Variants in SP3 observed in about 807,000 individuals in gnomAD.
SP3 encodes transcription factor Sp3.
A neutral mutation model predicts 70.3 loss-of-function variants in SP3; 10 were observed. The ratio of observed to expected loss-of-function variants is 0.14; its 90% CI spans 0.09 to 0.24. The LOEUF is 0.24. Among genes scored for constraint, SP3 ranks in the 10% least tolerant of loss-of-function variants. The pLI, the probability that SP3 is intolerant of heterozygous loss-of-function variation, is 1.00. For synonymous variants in SP3, 402 were observed against 333.5 expected (o/e 1.21, Z -2.24); for missense variants, 825 against 914.6 (o/e 0.90, Z 1.26).
chr2:173,936,020 CTTTT>C (rs1486647874), intron 4 of SP3, among the ~76,000 whole-genome samples: 2 of 151,806 alleles, frequency 1.3e-5, no homozygotes, highest in Non-Finnish European at 2.9e-5. Context: ...CCCCTTTTAC[CTTTT>C]TTGTTTTTTT....
Position 173,955,262 on chromosome 2 carries a change from G to GTAA in SP3, c.1247_1249dup (p.Ile416dup). On this transcript the variant is annotated inframe_insertion, in exon 4 of 7. Coordinates refer to ENST00000310015, the MANE Select transcript of SP3 (RefSeq NM_003111.5). The stretch of plus-strand genomic sequence containing the variant: ...TTGCACACCATGGATTGTCTGTGGT[G>GTAA]TAATACCTTGCACAATTTGGGCTTG... The GTAA allele has an allele frequency of 1.2e-6, 2 of 1,614,160 alleles. No individual in the cohort carries two copies. Among genetic ancestry groups the GTAA allele is most frequent in the Non-Finnish European group, 1.7e-6 (2 of 1,180,034 alleles).
rs2105446898 is a variant in SP3, at chr2:173,904,696, CCTT to C, written c.*5242_*5244del. On this transcript the variant is annotated 3_prime_UTR_variant, in exon 7 of 7. Coordinates refer to ENST00000310015, the MANE Select transcript of SP3 (RefSeq NM_003111.5). ...GCTCAACTTTGACCAGATGTCCACT[CCTT>C]GTCTGATTTCTGAACAGCTCCTCAC... is the stretch of plus-strand genomic sequence containing the variant. 6.6e-6 allele frequency among the ~76,000 whole-genome samples: 1 copy of C among 152,346 alleles called. No homozygotes were observed. The highest frequency in any genetic ancestry group is 2.1e-4 in the South Asian group (1 of 4,832).
intron 4 of SP3, among the ~76,000 whole-genome samples, chr2:173,933,680 T>C (rs940111918): frequency 1.2e-5 from 1 of 84,120 alleles, no homozygotes; most frequent in African/African-American, 4.2e-5. Flanking sequence ...ATAAAAGTTA[T>C]AAAGTAACAT....
intron 4 of SP3, among the ~76,000 whole-genome samples, chr2:173,944,694 T>C (rs960790242): frequency 6.6e-6 from 1 of 152,266 alleles, no homozygotes. Context: ...TCCATTCTTT[T>C]ATGTTCATCC....
At chr2:173,943,456 A>ATACT (rs1690436994) in intron 4 of SP3, among the ~76,000 whole-genome samples, 1 of 152,120 alleles carries the variant, frequency 6.6e-6, no homozygotes, top group African/African-American at 2.4e-5. Context: ...AATAACCACC[A>ATACT]TACTCCATGG....
rs60102426 is a variant in SP3, at chr2:173,933,638, TTATATATATATATATATATA to T, written c.1640-14873_1640-14854del. 2.2e-4 allele frequency among the ~76,000 whole-genome samples: 19 copies of T among 86,556 alleles called. 1 individual carries two copies. Among genetic ancestry groups the T allele is most frequent in the Admixed American group, 7.5e-4 (6 of 7,976 alleles). The allele number at this position is 86,556 out of a possible 152,430, so 56.8% of individuals were successfully genotyped here. A position where few individuals can be genotyped will look rare whatever the true frequency, so the allele number is the denominator to read the frequency against. On this transcript the variant is annotated intron_variant, in intron 4 of 6. Transcript: ENST00000310015. ...ACAAATGACTAACATTTATAAAACT[TTATATATATATATATATATA>T]TATATATATATATAAAAGTTATAAA...
intron 6 of SP3, among the ~76,000 whole-genome samples, chr2:173,911,633 C>T (rs556748959): frequency 3.0e-4 from 45 of 152,120 alleles, no homozygotes; most frequent in Middle Eastern, 3.4e-3. Flanking sequence ...GATCATTGAC[C>T]TTTTTCTCCC....
chr2:173,921,660 G>A lies in SP3; in HGVS notation c.1640-2875C>T, dbSNP rs116844137. ...GAGCCCAGGAGGTTCAGGTTGCAGT[G>A]AGCCATGATCACATCACTGCCCTCC... On this transcript the variant is annotated intron_variant, in intron 4 of 6. Transcript: ENST00000310015. 3.9e-4 allele frequency among the ~76,000 whole-genome samples: 59 copies of A among 152,314 alleles called. 1 individual carries two copies. In the East Asian group the frequency reaches 0.011, roughly 28 times the overall value.
At chr2:173,958,370 C>A (rs763079054) in intron 3 of SP3, among the ~76,000 whole-genome samples, 1 of 149,798 alleles carries the variant, frequency 6.7e-6, no homozygotes, top group African/African-American at 2.5e-5. Flanking sequence ...ATACAGCTAA[C>A]GCAAATGACA....
intron 4 of SP3, among the ~76,000 whole-genome samples, chr2:173,941,714 C>T (rs1690377810): frequency 6.6e-6 from 1 of 152,196 alleles, no homozygotes; most frequent in Non-Finnish European, 1.5e-5. Flanking sequence ...CCTTTGCTAG[C>T]TCTTCCTCTA....
At chr2:173,952,705 C>G (rs1423599885) in intron 4 of SP3, among the ~76,000 whole-genome samples, 2 of 152,156 alleles carry the variant, frequency 1.3e-5, no homozygotes, top group African/African-American at 4.8e-5. Context: ...TACAGTGGAA[C>G]AGTATTCAGC....
intron 4 of SP3, among the ~76,000 whole-genome samples, chr2:173,925,163 G>C (rs1026033293): frequency 3.3e-5 from 5 of 152,222 alleles, no homozygotes; most frequent in African/African-American, 1.2e-4. Flanking sequence ...CACCCAAAGT[G>C]CTGGGATTAC....
intron 4 of SP3, among the ~76,000 whole-genome samples, chr2:173,931,413 G>A (rs1055175748): frequency 6.6e-6 from 1 of 151,982 alleles, no homozygotes; most frequent in Non-Finnish European, 1.5e-5. Flanking sequence ...GTGCAATCTC[G>A]GCTCACTGCA....
intron 3 of SP3, among the ~76,000 whole-genome samples, chr2:173,956,620 T>TCATC (rs1209509725): frequency 6.6e-6 from 1 of 152,204 alleles, no homozygotes; most frequent in Non-Finnish European, 1.5e-5. Flanking sequence ...GTGTATTAAG[T>TCATC]CATCCGACTT....
chr2:173,923,005 C>G (rs1036731399), intron 4 of SP3, among the ~76,000 whole-genome samples: 1 of 152,148 alleles, frequency 6.6e-6, no homozygotes, highest in African/African-American at 2.4e-5. Context: ...AGCAATAGTG[C>G]ATGCTAGCAG....
chr2:173,942,099 T>G (rs1690387343), intron 4 of SP3, among the ~76,000 whole-genome samples: 1 of 152,242 alleles, frequency 6.6e-6, no homozygotes, highest in African/African-American at 2.4e-5. Context: ...CTTTCTCTAC[T>G]AAGTTAGAAA....
At chr2:173,932,165 C>T (rs755692539) in intron 4 of SP3, among the ~76,000 whole-genome samples, 1 of 152,126 alleles carries the variant, frequency 6.6e-6, no homozygotes, top group African/African-American at 2.4e-5. Context: ...CACTTAGAGG[C>T]TACTGTAGGG....
rs1689387917 is a variant in SP3 at position 173,908,500 on chromosome 2, A to G, written c.*1441T>C. On this transcript the variant is annotated 3_prime_UTR_variant, in exon 7 of 7. Coordinates refer to ENST00000310015, the MANE Select transcript of SP3 (RefSeq NM_003111.5). ...CCAATTCTTACCCCATACCACTGCA[A>G]TATTTTTTATGCATAGGAATACAAC... is the stretch of plus-strand genomic sequence containing the variant. 3 of 152,484 alleles carry G rather than the reference A, an allele frequency of 2.0e-5. No individual in the cohort carries two copies. The highest frequency in any genetic ancestry group is 2.0e-4 in the Admixed American group (3 of 15,266). 9.4% of individuals were successfully genotyped at this position (152,484 alleles called of 1,614,324 possible). A position where few individuals can be genotyped will look rare whatever the true frequency, so the allele number is the denominator to read the frequency against.
intron 4 of SP3, among the ~76,000 whole-genome samples, chr2:173,947,538 T>C (rs140069253): frequency 4.6e-5 from 7 of 152,338 alleles, no homozygotes; most frequent in African/African-American, 1.4e-4. Flanking sequence ...GGGTTTCTCA[T>C]GTACAGGATT....
Sources: gnomAD v4.1 joint callset for allele counts (sites outside exome capture counted in the v4.1 genomes callset) on GRCh38, gnomAD v4.1.1 for gene constraint, MANE v1.5 for transcripts, NCBI Gene and HGNC (gene_info 2026-07-23, HGNC 2026-07-21) for gene names.